ZNF407: variants seen among roughly 807,000 people sequenced by gnomAD.
The protein encoded by ZNF407 is zinc finger protein 407.
In ZNF407, 17 loss-of-function variants were observed where a neutral mutation model predicts 131.2. The ratio of observed to expected loss-of-function variants is 0.13; its 90% confidence interval spans 0.09 to 0.19. The LOEUF is 0.19. Ranked by LOEUF, ZNF407 falls within the 10% of genes least tolerant of loss-of-function variation. The probability of loss-of-function intolerance (pLI) is 1.00; values close to 1 mark genes in which losing one functional copy is unlikely to be tolerated. For synonymous variants in ZNF407, 1,156 were observed against 1,062.0 expected (o/e 1.09, Z -1.72); for missense variants, 2,681 against 2,830.6 (o/e 0.95, Z 1.20).
At chr18:74,807,236 G>T (rs918020655) in intron 4 of ZNF407, among the ~76,000 whole-genome samples, 6 of 152,174 alleles carry the variant, frequency 3.9e-5, no homozygotes, top group Non-Finnish European at 8.8e-5. Flanking sequence ...CAGCATTAAA[G>T]AGTATTCTAG....
At chr18:74,737,451 C>T (rs1291500894) in intron 3 of ZNF407, among the ~76,000 whole-genome samples, 1 of 152,146 alleles carries the variant, frequency 6.6e-6, no homozygotes, top group African/African-American at 2.4e-5. Context: ...TTTATATGTA[C>T]ATATGTATTA....
chr18:74,679,854 A>T (rs1349455835), intron 3 of ZNF407, among the ~76,000 whole-genome samples: 5 of 152,168 alleles, frequency 3.3e-5, no homozygotes, highest in African/African-American at 1.2e-4. Flanking sequence ...TATGTTTCAG[A>T]TCATCAGTGG....
At chr18:74,770,775 T>G (rs1047066958) in intron 3 of ZNF407, among the ~76,000 whole-genome samples, 1 of 152,116 alleles carries the variant, frequency 6.6e-6, no homozygotes, top group South Asian at 2.1e-4. Flanking sequence ...TCAAATAAGC[T>G]CTCAGATTCT....
chr18:75,006,001 G>A (rs943670898), intron 8 of ZNF407, among the ~76,000 whole-genome samples: 5 of 152,084 alleles, frequency 3.3e-5, no homozygotes, highest in African/African-American at 7.2e-5. Context: ...TTGAATCTCC[G>A]TTAAAATAAA....
Position 74,947,751 on chromosome 18 carries a change from G to A in ZNF407, c.5428+27059G>A, listed in dbSNP as rs182695618. On this transcript the variant is annotated intron_variant, in intron 8 of 8. Coordinates refer to ENST00000299687, the MANE Select transcript of ZNF407 (RefSeq NM_017757.3). Reference sequence around the variant, plus strand: ...ACAAACAGGTAGGCAGGACCTGTGCGTGTAGCCCACCATTTTCCTTCAATG... The same window carrying A: ...ACAAACAGGTAGGCAGGACCTGTGCATGTAGCCCACCATTTTCCTTCAATG... Among the ~76,000 whole-genome samples the A allele has an allele frequency of 1.6e-4, 25 of 152,312 alleles. No individual in the cohort carries two copies. The East Asian group carries it at 2.3e-3, about 14-fold the overall frequency.
At chr18:74,753,302 A>C (rs1278531904) in intron 3 of ZNF407, among the ~76,000 whole-genome samples, 1 of 152,190 alleles carries the variant, frequency 6.6e-6, no homozygotes, top group Non-Finnish European at 1.5e-5. Flanking sequence ...TGTCATCTGC[A>C]AACAGGCACA....
chr18:74,920,730 G>T, intron 8 of ZNF407, 38 bp downstream of exon 8: 2 of 1,565,514 alleles, frequency 1.3e-6, no homozygotes, highest in Middle Eastern at 3.4e-4. Flanking sequence ...TTTCTAACAG[G>T]ATTTCATGTG....
At chr18:74,784,705 T>G (rs1969671360) in intron 4 of ZNF407, among the ~76,000 whole-genome samples, 1 of 152,252 alleles carries the variant, frequency 6.6e-6, no homozygotes, top group Admixed American at 6.5e-5. Flanking sequence ...CAAGTTCATT[T>G]GAAAGTATTC....
intron 3 of ZNF407, among the ~76,000 whole-genome samples, chr18:74,742,100 T>A (rs1221045605): frequency 6.6e-6 from 1 of 152,204 alleles, no homozygotes; most frequent in Non-Finnish European, 1.5e-5. Flanking sequence ...AGTATGGTAA[T>A]CAAAGCATTG....
At chr18:74,682,152 G>A (rs1479353208) in intron 3 of ZNF407, among the ~76,000 whole-genome samples, 2 of 152,240 alleles carry the variant, frequency 1.3e-5, no homozygotes. Flanking sequence ...AAGATGGAAA[G>A]GGGACAGTAA....
chr18:74,641,200 C>G, intron 3 of ZNF407, 78 bp downstream of exon 3: 2 of 1,173,094 alleles, frequency 1.7e-6, no homozygotes, highest in East Asian at 2.4e-5. Context: ...AATTCAAAAC[C>G]GATAGGAGTA....
intron 8 of ZNF407, among the ~76,000 whole-genome samples, chr18:75,022,435 G>A (rs1007431135): frequency 1.3e-5 from 2 of 152,142 alleles, no homozygotes; most frequent in Non-Finnish European, 2.9e-5. Flanking sequence ...GTGGCTTAGA[G>A]CACTCCTCAG....
chr18:74,637,123 A>G (rs946197121), intron 2 of ZNF407, among the ~76,000 whole-genome samples: 3 of 152,232 alleles, frequency 2.0e-5, no homozygotes, highest in African/African-American at 7.2e-5. Flanking sequence ...TAAGTCTTGT[A>G]AATGTGTTAA....
At chr18:74,599,051 A>G (rs1010133374) in intron 1 of ZNF407, among the ~76,000 whole-genome samples, 1 of 152,214 alleles carries the variant, frequency 6.6e-6, no homozygotes, top group African/African-American at 2.4e-5. Context: ...GTGCTGGTCC[A>G]TTTAGAACAC....
rs1984075765 is a variant in ZNF407 at position 74,631,476 on chromosome 18, TCTG to T, written c.460_462del (p.Ala154del). ...TCTGAAAACAGACACTGAAAAAACATCTGCTCAGGAAATGGTTTCCCTTGATCT... is the reference window on the plus strand; with the variant it reads ...TCTGAAAACAGACACTGAAAAAACATCTCAGGAAATGGTTTCCCTTGATCT... On this transcript the variant is annotated inframe_deletion, in exon 2 of 9. Coordinates refer to ENST00000299687, the MANE Select transcript of ZNF407 (RefSeq NM_017757.3). 1 of 1,613,890 alleles carries T rather than the reference TCTG, an allele frequency of 6.2e-7. No homozygotes were observed. The highest frequency in any genetic ancestry group is 1.3e-5 in the African/African-American group (1 of 74,916).
chr18:75,041,997 A>C (rs1215356999), intron 8 of ZNF407, among the ~76,000 whole-genome samples: 2 of 151,556 alleles, frequency 1.3e-5, no homozygotes, highest in Non-Finnish European at 2.9e-5. Flanking sequence ...TATCTGATTG[A>C]TACATATTTG....
intron 3 of ZNF407, among the ~76,000 whole-genome samples, chr18:74,748,899 C>T (rs1309522799): frequency 2.0e-5 from 3 of 152,158 alleles, no homozygotes; most frequent in Non-Finnish European, 4.4e-5. Context: ...CCTCCTGTAA[C>T]TGAAAGTGCT....
chr18:74,685,381 C>T (rs867461313), intron 3 of ZNF407, among the ~76,000 whole-genome samples: 12 of 152,182 alleles, frequency 7.9e-5, no homozygotes, highest in Non-Finnish European at 1.5e-4. Context: ...TGGCATCCCC[C>T]GGTCCTGGCA....
chr18:75,002,151 G>A (rs991544994), intron 8 of ZNF407, among the ~76,000 whole-genome samples: 2 of 152,190 alleles, frequency 1.3e-5, no homozygotes, highest in Admixed American at 1.3e-4. Context: ...CTCCTAAAAG[G>A]GCTTATGTGT....
Sources: allele counts gnomAD v4.1 joint callset (sites outside exome capture counted in the v4.1 genomes callset), GRCh38; gene constraint gnomAD v4.1.1; transcripts MANE v1.5; gene names NCBI Gene and HGNC (gene_info 2026-07-23, HGNC 2026-07-21).